Variants in CAP2 observed in about 807,000 individuals in gnomAD.
The protein encoded by CAP2 is adenylyl cyclase-associated protein 2.
A neutral mutation model predicts 57.7 loss-of-function variants in CAP2; 24 were observed. The ratio of observed to expected loss-of-function variants is 0.42; its 90% CI spans 0.30 to 0.58. The LOEUF is 0.58. Ranked by LOEUF, CAP2 falls within the 20% of genes least tolerant of loss-of-function variation. The probability of loss-of-function intolerance (pLI) is 0.22; values close to 1 mark genes in which losing one functional copy is unlikely to be tolerated. For missense variants in CAP2, 501 were observed against 590.3 expected (o/e 0.85, Z 1.57); for synonymous variants, 194 against 207.2 (o/e 0.94, Z 0.55).
At chr6:17,442,326 A>G (rs924093506) in intron 3 of CAP2, among the ~76,000 whole-genome samples, 1 of 152,132 alleles carries the variant, frequency 6.6e-6, no homozygotes, top group African/African-American at 2.4e-5. Flanking sequence ...TCTGCACATG[A>G]TGATGTTCGC....
intron 12 of CAP2, among the ~76,000 whole-genome samples, chr6:17,553,608 G>A (rs1763223898): frequency 1.3e-5 from 2 of 151,376 alleles, no homozygotes; most frequent in South Asian, 4.2e-4. Context: ...ACTCCAGCCT[G>A]GGCAACACAG....
intron 2 of CAP2, among the ~76,000 whole-genome samples, chr6:17,424,123 T>C (rs568727885): frequency 1.3e-5 from 2 of 152,138 alleles, no homozygotes; most frequent in Admixed American, 1.3e-4. Context: ...AAAATCGGGA[T>C]GGACGCAGTG....
chr6:17,421,211 G>C (rs1396733849), intron 1 of CAP2, among the ~76,000 whole-genome samples: 1 of 152,078 alleles, frequency 6.6e-6, no homozygotes, highest in Non-Finnish European at 1.5e-5. Flanking sequence ...GCATAAGAAT[G>C]ATATAACGGA....
At chr6:17,514,704 G>A (rs1432270308) in intron 7 of CAP2, among the ~76,000 whole-genome samples, 3 of 151,988 alleles carry the variant, frequency 2.0e-5, no homozygotes, top group Non-Finnish European at 4.4e-5. Flanking sequence ...AGCTTAGATC[G>A]TGCCACTGCA....
intron 2 of CAP2, among the ~76,000 whole-genome samples, chr6:17,424,520 T>C (rs911674816): frequency 6.6e-5 from 10 of 152,222 alleles, no homozygotes; most frequent in African/African-American, 2.4e-4. Flanking sequence ...GGTGAGTGTT[T>C]TTTTCCTCTG....
At chr6:17,470,508 G>A (rs888292370) in intron 4 of CAP2, among the ~76,000 whole-genome samples, 8 of 152,094 alleles carry the variant, frequency 5.3e-5, no homozygotes, top group African/African-American at 1.9e-4. Context: ...AGTGTTTTTG[G>A]TTGCCATTCT....
At position 17,407,748 on chromosome 6, in the gene CAP2, C is replaced by T. The variant is rs1050638064; in HGVS notation, c.-1-13807C>T. On this transcript the variant is annotated intron_variant, in intron 1 of 12. Coordinates refer to ENST00000229922, the MANE Select transcript of CAP2 (RefSeq NM_006366.3). Reference sequence around the variant, plus strand: ...CAGCTGAGATCCTGCCACTGCACTCCAGCCTAGGTGACAGAGCAAGACTCG... The same window carrying T: ...CAGCTGAGATCCTGCCACTGCACTCTAGCCTAGGTGACAGAGCAAGACTCG... Among the ~76,000 whole-genome samples, 42 of 144,112 alleles carry T rather than the reference C, an allele frequency of 2.9e-4. 1 individual carries two copies. The highest frequency in any genetic ancestry group is 4.5e-5 in the Non-Finnish European group (3 of 66,842). The allele number at this position is 144,112 out of a possible 152,430, so 94.5% of individuals were successfully genotyped here.
intron 9 of CAP2, among the ~76,000 whole-genome samples, chr6:17,542,147 A>G (rs374851573): frequency 6.6e-6 from 1 of 152,040 alleles, no homozygotes; most frequent in African/African-American, 2.4e-5. Flanking sequence ...TTCTGTCTCT[A>G]TGAATTTAGC....
At chr6:17,410,357 A>G (rs1247518990) in intron 1 of CAP2, among the ~76,000 whole-genome samples, 1 of 152,188 alleles carries the variant, frequency 6.6e-6, no homozygotes, top group East Asian at 1.9e-4. Flanking sequence ...AGTGGGGCCC[A>G]GGAGCCTGCA....
chr6:17,405,826 G>A (rs1292289790), intron 1 of CAP2, among the ~76,000 whole-genome samples: 2 of 151,958 alleles, frequency 1.3e-5, no homozygotes, highest in Non-Finnish European at 2.9e-5. Flanking sequence ...CTACAGCCTC[G>A]ACCTCCTGGG....
chr6:17,427,136 G>A (rs1367304331), intron 3 of CAP2, among the ~76,000 whole-genome samples: 1 of 152,198 alleles, frequency 6.6e-6, no homozygotes, highest in Non-Finnish European at 1.5e-5. Context: ...GAGAGGTAGT[G>A]AGCTGTGGAG....
intron 4 of CAP2, among the ~76,000 whole-genome samples, chr6:17,494,375 C>T (rs1438166875): frequency 6.6e-6 from 1 of 152,104 alleles, no homozygotes; most frequent in Non-Finnish European, 1.5e-5. Flanking sequence ...CTACATGGTT[C>T]TGCTTGCTCC....
chr6:17,426,536 G>T, intron 2 of CAP2, 54 bp from the exon 3 acceptor site: 4 of 1,343,714 alleles, frequency 3.0e-6, no homozygotes, highest in Non-Finnish European at 4.3e-6. Flanking sequence ...TGCCCGGCTA[G>T]TCCCAGGTTT....
chr6:17,479,079 G>T (rs527482181), intron 4 of CAP2, among the ~76,000 whole-genome samples: 2 of 152,222 alleles, frequency 1.3e-5, no homozygotes, highest in South Asian at 4.2e-4. Flanking sequence ...CGTTCCCATG[G>T]TGGGGTCCGT....
intron 3 of CAP2, among the ~76,000 whole-genome samples, chr6:17,439,557 C>T (rs1760011330): frequency 6.6e-6 from 1 of 151,426 alleles, no homozygotes; most frequent in South Asian, 2.1e-4. Flanking sequence ...TTATTATATA[C>T]TCATCAGAAG....
At chr6:17,418,329 A>G (rs1447536229) in intron 1 of CAP2, among the ~76,000 whole-genome samples, 3 of 152,174 alleles carry the variant, frequency 2.0e-5, no homozygotes, top group African/African-American at 7.2e-5. Flanking sequence ...ACTTCCTTGC[A>G]TGAGCTGTAT....
intron 4 of CAP2, among the ~76,000 whole-genome samples, chr6:17,500,479 C>T (rs941131237): frequency 2.0e-5 from 3 of 149,514 alleles, no homozygotes; most frequent in Non-Finnish European, 4.4e-5. Flanking sequence ...AGCGATTCTC[C>T]TGCCTCAGCC....
Position 17,406,370 on chromosome 6 carries a change from C to T in CAP2, c.-2+12624C>T, listed in dbSNP as rs188148997. On this transcript the variant is annotated intron_variant, in intron 1 of 12. Transcript: ENST00000229922. ...GTGGACCACAAGGTCCCCTGTTCCC[C>T]TACTTTTCTGTCAGTAAGCCCAGAT... 5.4e-5 allele frequency among the ~76,000 whole-genome samples: 8 copies of T among 146,856 alleles called. No individual in the cohort carries two copies. In the East Asian group the frequency reaches 1.6e-3, roughly 29 times the overall value.
At chr6:17,396,770 A>G (rs1285698044) in intron 1 of CAP2, among the ~76,000 whole-genome samples, 3 of 152,206 alleles carry the variant, frequency 2.0e-5, no homozygotes, top group Non-Finnish European at 4.4e-5. Context: ...ATATACTAAA[A>G]ACCATTGAGT....
Sources: gnomAD v4.1 joint callset for allele counts (sites outside exome capture counted in the v4.1 genomes callset) on GRCh38, gnomAD v4.1.1 for gene constraint, MANE v1.5 for transcripts, NCBI Gene and HGNC (gene_info 2026-07-23, HGNC 2026-07-21) for gene names.